NRG3: variants seen among roughly 807,000 people sequenced by gnomAD.
The protein encoded by NRG3 is neuregulin 3.
Under a neutral mutation model 66.9 loss-of-function variants are expected in NRG3, and 31 were observed. That is an observed-to-expected ratio of 0.46 (90% CI 0.35 to 0.63). NRG3 has a LOEUF of 0.63. Among genes scored for constraint, NRG3 ranks in the 20% least tolerant of loss-of-function variants. The probability of loss-of-function intolerance (pLI) is 0.00; values close to 1 mark genes in which losing one functional copy is unlikely to be tolerated. For missense variants in NRG3, 910 were observed against 878.9 expected (o/e 1.04, Z -0.45); for synonymous variants, 393 against 359.4 (o/e 1.09, Z -1.06).
At chr10:82,296,270 G>T (rs1225494341) in intron 1 of NRG3, among the ~76,000 whole-genome samples, 1 of 152,142 alleles carries the variant, frequency 6.6e-6, no homozygotes, top group African/African-American at 2.4e-5. Flanking sequence ...CGTCCCAAAG[G>T]CAATGAGAAA....
chr10:82,946,314 G>A lies in NRG3; in HGVS notation c.1055-5155G>A, dbSNP rs547384565. Among the ~76,000 whole-genome samples the A allele has an allele frequency of 1.2e-4, 19 of 152,002 alleles. No individual in the cohort carries two copies. The East Asian group carries it at 3.7e-3, about 30-fold the overall frequency. ...CCAGCACTTTGGAAGGCCAAGGTGG[G>A]TGGATCACAAGGTCAAGAGATCGAG... On this transcript the variant is annotated intron_variant, in intron 4 of 8. Coordinates refer to ENST00000372141, the MANE Select transcript of NRG3 (RefSeq NM_001010848.4).
At chr10:82,085,987 G>C (rs1206175580) in intron 1 of NRG3, among the ~76,000 whole-genome samples, 2 of 152,118 alleles carry the variant, frequency 1.3e-5, no homozygotes, top group African/African-American at 4.8e-5. Context: ...TTGCACTGGG[G>C]ATTAAATATT....
At chr10:82,607,902 T>A (rs958314137) in intron 2 of NRG3, among the ~76,000 whole-genome samples, 3 of 152,302 alleles carry the variant, frequency 2.0e-5, no homozygotes, top group Admixed American at 6.5e-5. Context: ...TATAACATTA[T>A]GTTCATTCAT....
intron 2 of NRG3, among the ~76,000 whole-genome samples, chr10:82,612,820 C>T (rs2048394383): frequency 6.6e-6 from 1 of 152,284 alleles, no homozygotes; most frequent in African/African-American, 2.4e-5. Flanking sequence ...GAGAATTTGA[C>T]ATTCAAAATA....
intron 3 of NRG3, among the ~76,000 whole-genome samples, chr10:82,856,043 C>A (rs2063784994): frequency 6.6e-6 from 1 of 152,072 alleles, no homozygotes. Context: ...GGGGAGTTTT[C>A]TGGAAACAAT....
chr10:82,956,529 G>A (rs1485185039), intron 5 of NRG3, among the ~76,000 whole-genome samples: 1 of 151,782 alleles, frequency 6.6e-6, no homozygotes, highest in Non-Finnish European at 1.5e-5. Flanking sequence ...AAAGACTAAA[G>A]GTAAGCAAAT....
intron 1 of NRG3, among the ~76,000 whole-genome samples, chr10:82,033,644 CAAG>C (rs1468346021): frequency 6.6e-6 from 1 of 152,060 alleles, no homozygotes; most frequent in Non-Finnish European, 1.5e-5. Context: ...GTGAATGAAT[CAAG>C]TAGTGATGGA....
chr10:82,931,755 C>T lies in NRG3; in HGVS notation c.1055-19714C>T, dbSNP rs142478611. Among the ~76,000 whole-genome samples, 730 of 152,130 alleles carry T rather than the reference C, an allele frequency of 4.8e-3. 9 individuals carry two copies. Among genetic ancestry groups the T allele is most frequent in the African/African-American group, 0.017 (685 of 41,500 alleles). The stretch of plus-strand genomic sequence containing the variant: ...TAGTTTTGCTCAGTTTTGGTTTGCA[C>T]GGGAGTCTCCTGCAGTCTGCCGTCT... On this transcript the variant is annotated intron_variant, in intron 4 of 8. Transcript: ENST00000372141.
At chr10:82,233,637 A>G (rs562835762) in intron 1 of NRG3, among the ~76,000 whole-genome samples, 56 of 152,140 alleles carry the variant, frequency 3.7e-4, no homozygotes, top group African/African-American at 1.2e-3. Flanking sequence ...TCTTTGCCCC[A>G]TGAATTTTCA....
chr10:82,538,444 G>GTA, intron 2 of NRG3, among the ~76,000 whole-genome samples: 1 of 152,124 alleles, frequency 6.6e-6, no homozygotes, highest in East Asian at 1.9e-4. Context: ...ATTAAGACCA[G>GTA]AGTTCTGTCT....
chr10:82,131,692 TTC>T (rs1428410530), intron 1 of NRG3, among the ~76,000 whole-genome samples: 6 of 152,150 alleles, frequency 3.9e-5, no homozygotes, highest in African/African-American at 1.4e-4. Flanking sequence ...TTATTTTTTG[TTC>T]TCTCTGTAAT....
At chr10:82,824,481 C>T (rs938145303) in intron 3 of NRG3, among the ~76,000 whole-genome samples, 1 of 152,116 alleles carries the variant, frequency 6.6e-6, no homozygotes, top group African/African-American at 2.4e-5. Context: ...TTTTCATTCT[C>T]ACCAGCAATG....
intron 2 of NRG3, among the ~76,000 whole-genome samples, chr10:82,445,808 C>A (rs1198462177): frequency 6.6e-6 from 1 of 152,166 alleles, no homozygotes; most frequent in Non-Finnish European, 1.5e-5. Context: ...CAGAAGGCCA[C>A]CAGCCTGAAT....
At chr10:82,974,128 A>G (rs900474386) in intron 7 of NRG3, among the ~76,000 whole-genome samples, 1 of 152,154 alleles carries the variant, frequency 6.6e-6, no homozygotes, top group African/African-American at 2.4e-5. Context: ...AAGAAACCTG[A>G]TAGAACTATA....
intron 2 of NRG3, among the ~76,000 whole-genome samples, chr10:82,613,520 T>C (rs2048439362): frequency 6.6e-6 from 1 of 151,714 alleles, no homozygotes; most frequent in Non-Finnish European, 1.5e-5. Context: ...TCACATAAAA[T>C]TAATATTTTT....
intron 1 of NRG3, among the ~76,000 whole-genome samples, chr10:82,147,933 G>A (rs1446705815): frequency 2.0e-5 from 3 of 152,058 alleles, no homozygotes; most frequent in African/African-American, 2.4e-5. Context: ...TGGGCTCTTC[G>A]ACAAGATATT....
At position 82,069,545 on chromosome 10, in the gene NRG3, A is replaced by AC. The variant is rs199601445; in HGVS notation, c.823+193383dup. ...TTTAAATACTAATACCCAAAGTCATACGGGGCATGAGGACAAGATTCAGAC... is the reference window on the plus strand; with the variant it reads ...TTTAAATACTAATACCCAAAGTCATACCGGGGCATGAGGACAAGATTCAGAC... On this transcript the variant is annotated intron_variant, in intron 1 of 8. Coordinates refer to ENST00000372141, the MANE Select transcript of NRG3 (RefSeq NM_001010848.4). Among the ~76,000 whole-genome samples the AC allele has an allele frequency of 2.7e-3, 404 of 152,292 alleles. 4 individuals are homozygous for AC. The East Asian group carries it at 0.057, about 21-fold the overall frequency.
chr10:82,426,597 A>AATT (rs142603787), intron 2 of NRG3, among the ~76,000 whole-genome samples: 2,038 of 132,558 alleles, frequency 0.015, 23 homozygotes, highest in East Asian at 0.05. Flanking sequence ...TCCTCAATGG[A>AATT]ATTATTATTA....
chr10:82,572,920 T>C (rs1203918153), intron 2 of NRG3, among the ~76,000 whole-genome samples: 1 of 151,840 alleles, frequency 6.6e-6, no homozygotes, highest in East Asian at 1.9e-4. Flanking sequence ...TCTGCTTATC[T>C]GGCATTCAAT....
Sources: gnomAD v4.1 joint callset for allele counts (sites outside exome capture counted in the v4.1 genomes callset) on GRCh38, gnomAD v4.1.1 for gene constraint, MANE v1.5 for transcripts, NCBI Gene and HGNC (gene_info 2026-07-23, HGNC 2026-07-21) for gene names.